GPCPD1: variants seen among roughly 807,000 people sequenced by gnomAD.
GPCPD1 encodes glycerophosphocholine phosphodiesterase GPCPD1.
GPCPD1 carries 29 observed loss-of-function variants against 89.2 expected under a neutral mutation model. The ratio of observed to expected loss-of-function variants is 0.33; its 90% CI spans 0.24 to 0.44. The LOEUF is 0.44. Ranked by LOEUF, GPCPD1 falls within the 20% of genes least tolerant of loss-of-function variation. The pLI is 1.00. For synonymous variants in GPCPD1, 258 were observed against 266.3 expected (o/e 0.97, Z 0.30); for missense variants, 594 against 808.9 (o/e 0.73, Z 3.22).
rs139875334 is a variant in GPCPD1 at position 5,592,694 on chromosome 20, T to C, written c.231+633A>G. The stretch of plus-strand genomic sequence containing the variant: ...AAAAGTCTGAAGGAAAAGAATCCTT[T>C]CAGCAAATAAGTATCTTTAGAATAA... On this transcript the variant is annotated intron_variant, in intron 4 of 19. Transcript: ENST00000379019. Among the ~76,000 whole-genome samples, 6 of 152,338 alleles carry C rather than the reference T, an allele frequency of 3.9e-5. No homozygotes were observed. In the East Asian group the frequency reaches 1.2e-3, roughly 29 times the overall value.
intron 12 of GPCPD1, 146 bp from the exon 13 acceptor site, chr20:5,567,706 A>T: frequency 1.3e-6 from 1 of 742,102 alleles, no homozygotes; most frequent in East Asian, 3.0e-5. Context: ...GTTAGTAGCC[A>T]TACTGAGCCC....
At chr20:5,553,193 A>T (rs1985534059) in intron 19 of GPCPD1, among the ~76,000 whole-genome samples, 1 of 152,146 alleles carries the variant, frequency 6.6e-6, no homozygotes. Flanking sequence ...ACATTTTGAT[A>T]ATTCCCACAA....
chr20:5,580,407 AG>A (rs1413831495), intron 6 of GPCPD1, among the ~76,000 whole-genome samples: 1 of 152,200 alleles, frequency 6.6e-6, no homozygotes, highest in Non-Finnish European at 1.5e-5. Context: ...CAATAAAAAA[AG>A]AATTAACTTT....
intron 19 of GPCPD1, among the ~76,000 whole-genome samples, chr20:5,554,559 C>T (rs1985640187): frequency 2.0e-5 from 3 of 152,200 alleles, no homozygotes; most frequent in Admixed American, 2.0e-4. Context: ...CATCTGTACA[C>T]AGCATGGTTT....
At chr20:5,608,305 C>T (rs1211487464) in intron 1 of GPCPD1, among the ~76,000 whole-genome samples, 1 of 152,034 alleles carries the variant, frequency 6.6e-6, no homozygotes, top group African/African-American at 2.4e-5. Context: ...CACAAAAACA[C>T]CTCCCAGAAA....
At chr20:5,589,237 A>G (rs1366439063) in intron 4 of GPCPD1, among the ~76,000 whole-genome samples, 1 of 152,228 alleles carries the variant, frequency 6.6e-6, no homozygotes, top group African/African-American at 2.4e-5. Flanking sequence ...GTTTTAAAAT[A>G]CACTGAATTT....
intron 11 of GPCPD1, among the ~76,000 whole-genome samples, chr20:5,571,978 G>A (rs2122642060): frequency 6.6e-6 from 1 of 151,860 alleles, no homozygotes; most frequent in East Asian, 1.9e-4. Flanking sequence ...TTAGCACTTA[G>A]GGAGGCCAAG....
At chr20:5,567,882 C>A in intron 12 of GPCPD1, 1 of 202,862 alleles carries the variant, frequency 4.9e-6, no homozygotes, top group Non-Finnish European at 9.9e-6. Context: ...CCCCTACTTC[C>A]TGTTATGCTG....
chr20:5,601,571 G>T (rs1418733585), intron 2 of GPCPD1, among the ~76,000 whole-genome samples: 3 of 151,922 alleles, frequency 2.0e-5, no homozygotes, highest in African/African-American at 7.2e-5. Context: ...GTTTCACCTT[G>T]TTGGTCCAGT....
intron 4 of GPCPD1, among the ~76,000 whole-genome samples, chr20:5,587,699 C>G (rs1324449759): frequency 6.6e-6 from 1 of 152,098 alleles, no homozygotes; most frequent in East Asian, 1.9e-4. Flanking sequence ...GGCATAAAAG[C>G]TTCTCTATTA....
chr20:5,594,585 CCCGGCCGCCTCCAGGT>C (rs1376983358), intron 3 of GPCPD1, among the ~76,000 whole-genome samples: 1 of 151,584 alleles, frequency 6.6e-6, no homozygotes. Context: ...AGCCACCAGG[CCCGGCCGCCTCCAGGT>C]AACTTTTATA....
In GPCPD1 at chr20:5,546,246, T is replaced by A. The variant is rs1458983106; in HGVS notation, c.*1415A>T. The stretch of plus-strand genomic sequence containing the variant: ...TAAGATCTGACCAAAATTGCATTGC[T>A]TAGCTTAAAAAATACTACACAATGT... On this transcript the variant is annotated 3_prime_UTR_variant, in exon 20 of 20. Coordinates refer to ENST00000379019, the MANE Select transcript of GPCPD1 (RefSeq NM_019593.5). 1 of 152,238 alleles carries A rather than the reference T, an allele frequency of 6.6e-6. No homozygotes were observed. Among genetic ancestry groups the A allele is most frequent in the Non-Finnish European group, 1.5e-5 (1 of 68,048 alleles). The allele number at this position is 152,238 out of a possible 1,614,324, so 9.4% of individuals were successfully genotyped here. A position where few individuals can be genotyped will look rare whatever the true frequency, so the allele number is the denominator to read the frequency against.
chr20:5,599,154 A>C (rs760852441), intron 2 of GPCPD1, among the ~76,000 whole-genome samples: 6 of 152,226 alleles, frequency 3.9e-5, no homozygotes, highest in Non-Finnish European at 8.8e-5. Flanking sequence ...ACAGCTTCCA[A>C]TTTTAACAGA....
chr20:5,548,674 G>A (rs887027858), intron 19 of GPCPD1, among the ~76,000 whole-genome samples: 1 of 152,086 alleles, frequency 6.6e-6, no homozygotes, highest in Non-Finnish European at 1.5e-5. Flanking sequence ...GTAAGTAAGA[G>A]AAAAACCCAA....
At chr20:5,604,231 T>A in intron 2 of GPCPD1, 133 bp downstream of exon 2, 7 of 605,410 alleles carry the variant, frequency 1.2e-5, no homozygotes, top group Non-Finnish European at 2.1e-5. Flanking sequence ...ATTTCTGCTG[T>A]CAGGCAAGAC....
chr20:5,579,107 C>T (rs915265243), intron 7 of GPCPD1, among the ~76,000 whole-genome samples: 16 of 152,158 alleles, frequency 1.1e-4, no homozygotes, highest in Admixed American at 8.5e-4. Flanking sequence ...ATCACTTGAG[C>T]GTGAGAGGTG....
chr20:5,552,747 G>C (rs1487577606), intron 19 of GPCPD1, among the ~76,000 whole-genome samples: 1 of 152,180 alleles, frequency 6.6e-6, no homozygotes, highest in Non-Finnish European at 1.5e-5. Context: ...AAGGCAGGTA[G>C]GTAGGATTTA....
In GPCPD1 at chr20:5,547,067, G is replaced by T. The variant is rs1031284201; in HGVS notation, c.*594C>A. 1 of 152,510 alleles carries T rather than the reference G, an allele frequency of 6.6e-6. No homozygotes were observed. Among genetic ancestry groups the T allele is most frequent in the Non-Finnish European group, 1.5e-5 (1 of 68,024 alleles). The allele number at this position is 152,510 out of a possible 1,614,324, so 9.4% of individuals were successfully genotyped here. A position where few individuals can be genotyped will look rare whatever the true frequency, so the allele number is the denominator to read the frequency against. On this transcript the variant is annotated 3_prime_UTR_variant, in exon 20 of 20. Coordinates refer to ENST00000379019, the MANE Select transcript of GPCPD1 (RefSeq NM_019593.5). ...AAAGATTTATGAAACAAGTTTCGAG[G>T]TTCACCTTCAGGCTGGTTTGGTTAA...
chr20:5,577,311 G>T (rs1215238871), intron 8 of GPCPD1, among the ~76,000 whole-genome samples: 1 of 151,346 alleles, frequency 6.6e-6, no homozygotes, highest in African/African-American at 2.4e-5. Context: ...ATGAGCCACC[G>T]CGCCCGGCCA....
Sources: allele counts gnomAD v4.1 joint callset (sites outside exome capture counted in the v4.1 genomes callset), GRCh38; gene constraint gnomAD v4.1.1; transcripts MANE v1.5; gene names NCBI Gene and HGNC (gene_info 2026-07-23, HGNC 2026-07-21).